ZNF536: variants seen among roughly 807,000 people sequenced by gnomAD.
The protein encoded by ZNF536 is zinc finger protein 536.
ZNF536 carries 13 observed loss-of-function variants against 84.5 expected under a neutral mutation model. That is an observed-to-expected ratio of 0.15 (90% CI 0.10 to 0.24). The LOEUF is 0.24. ZNF536 is among the 10% of genes least tolerant of loss of function. ZNF536 has a pLI of 1.00. For missense variants in ZNF536, 1,536 were observed against 1,747.5 expected (o/e 0.88, Z 2.16); for synonymous variants, 811 against 742.5 (o/e 1.09, Z -1.50).
At chr19:30,634,338 A>G (rs2048990803) in intron 1 of ZNF536, among the ~76,000 whole-genome samples, 1 of 152,230 alleles carries the variant, frequency 6.6e-6, no homozygotes, top group African/African-American at 2.4e-5. Context: ...GTCGACGCTC[A>G]GCCAGTCATA....
chr19:30,590,541 G>A (rs2047241854), intron 1 of ZNF536, among the ~76,000 whole-genome samples: 1 of 152,164 alleles, frequency 6.6e-6, no homozygotes, highest in Admixed American at 6.5e-5. Context: ...TCTGTAAAAA[G>A]GTCCTATGGA....
intron 1 of ZNF536, among the ~76,000 whole-genome samples, chr19:30,698,717 G>T (rs2051767233): frequency 1.3e-5 from 2 of 152,196 alleles, no homozygotes; most frequent in African/African-American, 4.8e-5. Context: ...CCTGCTGTCA[G>T]CCTGACCTTG....
chr19:30,288,234 C>T (rs947942527), intron 2 of ZNF536, among the ~76,000 whole-genome samples: 1 of 152,132 alleles, frequency 6.6e-6, no homozygotes, highest in Non-Finnish European at 1.5e-5. Flanking sequence ...ACTTCCTGCC[C>T]ACGTGACTGG....
intron 1 of ZNF536, among the ~76,000 whole-genome samples, chr19:30,426,035 G>A (rs748609619): frequency 2.0e-5 from 3 of 152,150 alleles, no homozygotes; most frequent in African/African-American, 4.8e-5. Context: ...GTGGTGGGTC[G>A]GGGCTGGTAG....
At chr19:30,306,994 T>A (rs1000238346) in intron 2 of ZNF536, among the ~76,000 whole-genome samples, 18 of 151,638 alleles carry the variant, frequency 1.2e-4, no homozygotes, top group South Asian at 2.1e-4. Flanking sequence ...AATTATATTT[T>A]TATATATATA....
intron 1 of ZNF536, among the ~76,000 whole-genome samples, chr19:30,282,677 G>A (rs1012656825): frequency 2.6e-5 from 4 of 152,170 alleles, no homozygotes; most frequent in African/African-American, 9.7e-5. Context: ...CCGGCTGGGT[G>A]CTGGGGACCT....
intron 1 of ZNF536, among the ~76,000 whole-genome samples, chr19:30,441,761 T>A (rs907620166): frequency 6.6e-6 from 1 of 152,236 alleles, no homozygotes; most frequent in Non-Finnish European, 1.5e-5. Context: ...ATATCTTTCA[T>A]TCGTGGACAA....
At chr19:30,253,697 C>CG (rs1401199006) in intron 1 of ZNF536, among the ~76,000 whole-genome samples, 2 of 151,998 alleles carry the variant, frequency 1.3e-5, no homozygotes, top group African/African-American at 4.8e-5. Context: ...GGAGGAGTCG[C>CG]GGGGGAGGCT....
At chr19:30,478,326 G>A (rs1007194691) in intron 2 of ZNF536, among the ~76,000 whole-genome samples, 3 of 152,112 alleles carry the variant, frequency 2.0e-5, no homozygotes, top group Non-Finnish European at 2.9e-5. Context: ...TGCCCCACGC[G>A]GGGTTGAGGA....
intron 1 of ZNF536, among the ~76,000 whole-genome samples, chr19:30,240,462 G>A (rs2023863200): frequency 6.6e-6 from 1 of 152,212 alleles, no homozygotes; most frequent in African/African-American, 2.4e-5. Flanking sequence ...CAAGGGAATA[G>A]GTTGAGGGGT....
chr19:30,275,840 AGTGTGT>A (rs35955842), intron 1 of ZNF536, among the ~76,000 whole-genome samples: 4 of 150,168 alleles, frequency 2.7e-5, no homozygotes, highest in Admixed American at 2.0e-4. Flanking sequence ...TGTGTGTGTG[AGTGTGT>A]GTGTGTGTGT....
intron 3 of ZNF536, among the ~76,000 whole-genome samples, chr19:30,543,496 G>A (rs910276828): frequency 6.6e-6 from 1 of 152,232 alleles, no homozygotes; most frequent in Non-Finnish European, 1.5e-5. Context: ...TGGTTGGGCA[G>A]GGCTAGGCAG....
chr19:30,347,329 G>C (rs1480554566), intron 2 of ZNF536, among the ~76,000 whole-genome samples: 3 of 152,154 alleles, frequency 2.0e-5, no homozygotes, highest in East Asian at 3.9e-4. Context: ...TGACACGAGG[G>C]TTCCTCTGGT....
At chr19:30,260,808 G>T (rs2025168549) in intron 1 of ZNF536, among the ~76,000 whole-genome samples, 1 of 152,130 alleles carries the variant, frequency 6.6e-6, no homozygotes, top group Admixed American at 6.5e-5. Context: ...TGTGGGCATG[G>T]CCTTCATACC....
At chr19:30,551,914 A>G (rs887048292) in intron 4 of ZNF536, among the ~76,000 whole-genome samples, 1 of 152,032 alleles carries the variant, frequency 6.6e-6, no homozygotes, top group Non-Finnish European at 1.5e-5. Flanking sequence ...TATCTGGCCC[A>G]CCATAATTGC....
At chr19:30,388,163 G>T (rs1461940205) in intron 1 of ZNF536, among the ~76,000 whole-genome samples, 1 of 152,224 alleles carries the variant, frequency 6.6e-6, no homozygotes, top group African/African-American at 2.4e-5. Context: ...TTTCCCGGGG[G>T]AGTGAGTCAG....
chr19:30,559,554 G>A (rs557416909), downstream of ZNF536, among the ~76,000 whole-genome samples: 21 of 152,286 alleles, frequency 1.4e-4, no homozygotes, highest in Middle Eastern at 3.4e-3. Flanking sequence ...TGTTCCTGGC[G>A]TTGCCGGTCA....
At chr19:30,386,079 T>C (rs926942785) in intron 1 of ZNF536, among the ~76,000 whole-genome samples, 1 of 152,196 alleles carries the variant, frequency 6.6e-6, no homozygotes, top group African/African-American at 2.4e-5. Context: ...CCCTCAATAC[T>C]GGTCCCATCC....
At chr19:30,269,764 C>T (rs1434479980) in intron 1 of ZNF536, among the ~76,000 whole-genome samples, 2 of 152,252 alleles carry the variant, frequency 1.3e-5, no homozygotes, top group African/African-American at 2.4e-5. Flanking sequence ...TCCCCCGCCT[C>T]GGCTTGTACG....
Sources: allele counts gnomAD v4.1 joint callset (sites outside exome capture counted in the v4.1 genomes callset), GRCh38; gene constraint gnomAD v4.1.1; transcripts MANE v1.5; gene names NCBI Gene and HGNC (gene_info 2026-07-23, HGNC 2026-07-21).